MFNG: variants seen among roughly 807,000 people sequenced by gnomAD.
The protein encoded by MFNG is MFNG O-fucosylpeptide 3-beta-N-acetylglucosaminyltransferase.
Under a neutral mutation model 34.2 loss-of-function variants are expected in MFNG, and 24 were observed. That is an observed-to-expected ratio of 0.70 (90% confidence interval 0.51 to 0.99). The LOEUF (loss-of-function observed/expected upper bound fraction) is 0.99. Ranked by LOEUF, MFNG falls within the 50% of genes least tolerant of loss-of-function variation. MFNG has a pLI of 0.00. For missense variants in MFNG, 383 were observed against 424.0 expected, an observed-to-expected ratio of 0.90 and a Z score of 0.85; for synonymous variants, 158 against 179.2, an observed-to-expected ratio of 0.88 and a Z score of 0.94.
intron 5 of MFNG, among the ~76,000 whole-genome samples, chr22:37,476,259 C>A (rs1454288805): frequency 6.6e-6 from 1 of 152,014 alleles, no homozygotes; most frequent in East Asian, 1.9e-4. Context: ...GTCCCACCCC[C>A]ACCCACACTG....
Position 37,479,501 on chromosome 22 carries a change from G to A in MFNG, c.408-3C>T, listed in dbSNP as rs777154978. ...CATCGTCCACATGGCAGAACCACCT[G>A]TAGGGATGAAACGGGGACAGTGAAC... On this transcript the variant is annotated splice_region_variant and splice_polypyrimidine_tract_variant and intron_variant, in intron 3 of 7. Coordinates refer to ENST00000356998, the MANE Select transcript of MFNG (RefSeq NM_002405.4). 5.6e-5 allele frequency: 90 copies of A among 1,610,052 alleles called. No homozygotes were observed. The Admixed American group carries it at 1.5e-3, about 26-fold the overall frequency.
rs913026206 is a variant in MFNG at position 37,485,697 on chromosome 22, G to A, written c.255+226C>T. On this transcript the variant is annotated intron_variant, in intron 1 of 7. Coordinates refer to ENST00000356998, the MANE Select transcript of MFNG (RefSeq NM_002405.4). This position sits in a 1 kb window ranked among gnomAD's most constrained non-coding sequence, Gnocchi z 5.3. ...GCCTGGCCCCCAAAAGTGGTGGAGC[G>A]GTAGGACCTGGGTGCACCTGGAGTC... 6.6e-6 allele frequency among the ~76,000 whole-genome samples: 1 copy of A among 152,170 alleles called. No homozygotes were observed. The highest frequency in any genetic ancestry group is 2.4e-5 in the African/African-American group (1 of 41,454).
At position 37,486,329 on chromosome 22, in the gene MFNG, C is replaced by T; in HGVS notation, c.-152G>A. ...AAGAGGTAGGAGCTGAGGCTCTGGA[C>T]CCAGAGGCTGAGCCATGGCAGCACG... On this transcript the variant is annotated 5_prime_UTR_variant, in exon 1 of 8. Coordinates refer to ENST00000356998, the MANE Select transcript of MFNG (RefSeq NM_002405.4). 6.3e-6 allele frequency: 5 copies of T among 792,088 alleles called. No homozygotes were observed. The highest frequency in any genetic ancestry group is 9.1e-6 in the Non-Finnish European group (5 of 552,024). The allele number at this position is 792,088 out of a possible 1,614,324, so 49.1% of individuals were successfully genotyped here.
chr22:37,474,504 C>G lies in MFNG; in HGVS notation c.813+8G>C, dbSNP rs1921949039. 6 of 1,613,390 alleles carry G rather than the reference C, an allele frequency of 3.7e-6. No homozygotes were observed. The African/African-American group carries it at 6.7e-5, about 18-fold the overall frequency. On this transcript the variant is annotated splice_region_variant and intron_variant, in intron 6 of 7. Transcript: ENST00000356998. Reference sequence around the variant, plus strand: ...CCCATTTGCCACCTGCCCCCAAGGCCAGCTCACCTGTTCTGGGAGCTGTGC... The same window carrying G: ...CCCATTTGCCACCTGCCCCCAAGGCGAGCTCACCTGTTCTGGGAGCTGTGC...
intron 1 of MFNG, among the ~76,000 whole-genome samples, chr22:37,481,672 A>G (rs1922295976): frequency 6.6e-6 from 1 of 152,216 alleles, no homozygotes; most frequent in African/African-American, 2.4e-5. Flanking sequence ...CCTCTCACCC[A>G]TTGAGCATCA....
At chr22:37,477,370 G>A (rs563099221) in intron 4 of MFNG, among the ~76,000 whole-genome samples, 6 of 152,324 alleles carry the variant, frequency 3.9e-5, no homozygotes, top group Admixed American at 1.3e-4. Flanking sequence ...GTGGGCCTAG[G>A]TTGACGGGGC....
chr22:37,474,965 T>C (rs1306837735), intron 5 of MFNG, among the ~76,000 whole-genome samples: 1 of 152,242 alleles, frequency 6.6e-6, no homozygotes, highest in African/African-American at 2.4e-5. Context: ...CTTCTCTCTC[T>C]GTCTTGTCAT....
Position 37,486,328 on chromosome 22 carries a change from A to G in MFNG, c.-151T>C. The G allele has an allele frequency of 1.3e-6, 1 of 797,420 alleles. No homozygotes were observed. Among genetic ancestry groups the G allele is most frequent in the Non-Finnish European group, 1.8e-6 (1 of 557,162 alleles). The allele number at this position is 797,420 out of a possible 1,614,324, so 49.4% of individuals were successfully genotyped here. A position where few individuals can be genotyped will look rare whatever the true frequency, so the allele number is the denominator to read the frequency against. ...GAAGAGGTAGGAGCTGAGGCTCTGG[A>G]CCCAGAGGCTGAGCCATGGCAGCAC... On this transcript the variant is annotated 5_prime_UTR_variant, in exon 1 of 8. Coordinates refer to ENST00000356998, the MANE Select transcript of MFNG (RefSeq NM_002405.4).
rs1306046533 is a variant in MFNG, at chr22:37,484,892, T to A, written c.255+1031A>T. Among the ~76,000 whole-genome samples, 5 of 152,160 alleles carry A rather than the reference T, an allele frequency of 3.3e-5. 1 individual carries two copies. ...GCCAGCCATCCTCTCCCCCTCCTTT[T>A]GGTCTTCCAGGAGGTCTCGACTATC... On this transcript the variant is annotated intron_variant, in intron 1 of 7. Coordinates refer to ENST00000356998, the MANE Select transcript of MFNG (RefSeq NM_002405.4).
At chr22:37,474,370 G>C in intron 6 of MFNG, 142 bp downstream of exon 6, 1 of 988,956 alleles carries the variant, frequency 1.0e-6, no homozygotes, top group Non-Finnish European at 1.5e-6. Context: ...CTAGGCCTCA[G>C]TTTCCCCATC....
intron 7 of MFNG, among the ~76,000 whole-genome samples, chr22:37,471,429 G>C (rs1921796866): frequency 6.6e-6 from 1 of 152,164 alleles, no homozygotes; most frequent in African/African-American, 2.4e-5. Context: ...GAGATGCTGG[G>C]AAGGGGTCAA....
chr22:37,485,259 G>A lies in MFNG; in HGVS notation c.255+664C>T, dbSNP rs546199096. Among the ~76,000 whole-genome samples the A allele has an allele frequency of 2.1e-4, 32 of 152,138 alleles. No homozygotes were observed. In the East Asian group the frequency reaches 3.3e-3, roughly 16 times the overall value. ...CCTCCGGCCCACCACTGCCTCAGCC[G>A]CCACCCTCGTGGCATGCGCTCTCCT... On this transcript the variant is annotated intron_variant, in intron 1 of 7. Coordinates refer to ENST00000356998, the MANE Select transcript of MFNG (RefSeq NM_002405.4). This position sits in a 1 kb window ranked among gnomAD's most constrained non-coding sequence, Gnocchi z 5.3.
chr22:37,483,819 G>A lies in MFNG; in HGVS notation c.255+2104C>T, dbSNP rs1191445923. 6.6e-6 allele frequency among the ~76,000 whole-genome samples: 1 copy of A among 152,130 alleles called. No homozygotes were observed. Among genetic ancestry groups the A allele is most frequent in the East Asian group, 1.9e-4 (1 of 5,188 alleles). ...CAGCAGCCATGAACAGAGTGAGGGA[G>A]AGAGCCGGGAAGGGGAGTCCAGGTC... On this transcript the variant is annotated intron_variant, in intron 1 of 7. Transcript: ENST00000356998. The surrounding 1 kb of genome is among the most constrained non-coding windows in gnomAD (Gnocchi z 4.5).
At chr22:37,480,598 A>T in intron 2 of MFNG, 123 bp downstream of exon 2, 1 of 929,950 alleles carries the variant, frequency 1.1e-6, no homozygotes, top group Non-Finnish European at 1.7e-6. Flanking sequence ...GGCAAAGGGG[A>T]ATCTCCACAT....
At chr22:37,479,300 T>A in intron 4 of MFNG, 45 bp downstream of exon 4, 1 of 1,511,968 alleles carries the variant, frequency 6.6e-7, no homozygotes, top group Non-Finnish European at 8.8e-7. Flanking sequence ...GCCCGGCCCT[T>A]GGGATCAGCG....
intron 7 of MFNG, among the ~76,000 whole-genome samples, chr22:37,470,655 TG>T (rs1463169654): frequency 6.6e-6 from 1 of 152,216 alleles, no homozygotes; most frequent in Non-Finnish European, 1.5e-5. Flanking sequence ...AACGCAGCCT[TG>T]GCCGCAAGGG....
chr22:37,480,714 G>C lies in MFNG; in HGVS notation c.304+7C>G, dbSNP rs1260135548. The C allele has an allele frequency of 6.2e-7, 1 of 1,613,316 alleles. No individual in the cohort carries two copies. The highest frequency in any genetic ancestry group is 1.7e-5 in the Admixed American group (1 of 59,972). On this transcript the variant is annotated splice_region_variant and intron_variant, in intron 2 of 7. Transcript: ENST00000356998. ...TCCCCCACCACACCCAGGCCGGGCAGAGTTACCCAGTCTCTCCTGGAGGCC... is the reference window on the plus strand; with the variant it reads ...TCCCCCACCACACCCAGGCCGGGCACAGTTACCCAGTCTCTCCTGGAGGCC...
Position 37,476,971 on chromosome 22 carries a change from T to C in MFNG, c.572A>G (p.Gln191Arg). 1 of 1,608,784 alleles carries C rather than the reference T, an allele frequency of 6.2e-7. No homozygotes were observed. Among genetic ancestry groups the C allele is most frequent in the Non-Finnish European group, 8.5e-7 (1 of 1,176,660 alleles). The change falls in exon 5 of 8, where the codon CAG becomes CGG. Residue 191 changes from glutamine to arginine, a missense_variant. Gln to Arg is a conservative substitution (Grantham distance 43). Transcript: ENST00000356998. ...AGCACCCCCAGTGGCAAACCAGAACTGTACCAGCCTCTGAGAGAGAGGAAG... is the reference window on the plus strand; with the variant it reads ...AGCACCCCCAGTGGCAAACCAGAACCGTACCAGCCTCTGAGAGAGAGGAAG... ...PQPHNRTRLV[Q>R]FWFATGGAGF...
chr22:37,472,781 A>T, intron 6 of MFNG: 1 of 378,032 alleles, frequency 2.6e-6, no homozygotes, highest in Non-Finnish European at 4.7e-6. Context: ...CAATACCCCC[A>T]TCTACAGATT....
Sources: allele counts gnomAD v4.1 joint callset (sites outside exome capture counted in the v4.1 genomes callset), GRCh38; gene constraint gnomAD v4.1.1; non-coding constraint Gnocchi (gnomAD v3.1); transcripts MANE v1.5; gene names NCBI Gene and HGNC (gene_info 2026-07-23, HGNC 2026-07-21).